POMGNT1: variants seen among roughly 807,000 people sequenced by gnomAD.
POMGNT1 encodes protein O-linked-mannose beta-1,2-N-acetylglucosaminyltransferase 1.
Under a neutral mutation model 95.6 loss-of-function variants are expected in POMGNT1, and 67 were observed. The observed-to-expected ratio is 0.70, with a 90% CI of 0.58 to 0.86. POMGNT1 has a LOEUF of 0.86. Ranked by LOEUF, POMGNT1 falls within the 40% of genes least tolerant of loss-of-function variation. The pLI, the probability that POMGNT1 is intolerant of heterozygous loss-of-function variation, is 0.00. For synonymous variants in POMGNT1, 298 were observed against 317.9 expected (o/e 0.94, Z 0.66); for missense variants, 719 against 855.2 (o/e 0.84, Z 1.99).
At chr1:46,207,448 G>C (rs769497658) in intron 1 of POMGNT1, among the ~76,000 whole-genome samples, 6 of 152,046 alleles carry the variant, frequency 3.9e-5, no homozygotes, top group Non-Finnish European at 5.9e-5. Flanking sequence ...TTCCTGACCT[G>C]GTTAGGTTAT....
exon 1 of POMGNT1, chr1:46,220,038 A>G: frequency 6.2e-7 from 1 of 1,614,182 alleles, no homozygotes; most frequent in South Asian, 1.1e-5. Context: ...TGGTGGAGAG[A>G]GGGCCAGGAC....
intron 1 of POMGNT1, among the ~76,000 whole-genome samples, chr1:46,215,628 A>G (rs1659040710): frequency 6.6e-6 from 1 of 152,226 alleles, no homozygotes; most frequent in Non-Finnish European, 1.5e-5. Context: ...GCTGGGTGCC[A>G]TGGCACATGC....
At chr1:46,189,609 C>A in intron 20 of POMGNT1, 42 bp from the exon 21 acceptor site, 1 of 1,584,100 alleles carries the variant, frequency 6.3e-7, no homozygotes, top group Non-Finnish European at 8.6e-7. Flanking sequence ...GGTCAGAGAG[C>A]TGTAGGGAGG....
intron 1 of POMGNT1, among the ~76,000 whole-genome samples, chr1:46,213,711 C>T (rs1297350621): frequency 1.3e-5 from 2 of 151,880 alleles, no homozygotes; most frequent in African/African-American, 4.8e-5. Flanking sequence ...CGTAGCGAGA[C>T]TTTGTCTCTA....
intron 1 of POMGNT1, among the ~76,000 whole-genome samples, chr1:46,214,635 G>A (rs1659007735): frequency 6.6e-6 from 1 of 152,058 alleles, no homozygotes; most frequent in Non-Finnish European, 1.5e-5. Context: ...GGGAGGCCAA[G>A]GCAGTGGATC....
chr1:46,214,954 C>G (rs1463427528), intron 1 of POMGNT1, among the ~76,000 whole-genome samples: 1 of 147,506 alleles, frequency 6.8e-6, no homozygotes, highest in East Asian at 2.1e-4. Context: ...TGACTGGGTG[C>G]TGTGGCTCAC....
At chr1:46,206,244 T>C (rs540341854) in intron 1 of POMGNT1, among the ~76,000 whole-genome samples, 5 of 152,224 alleles carry the variant, frequency 3.3e-5, no homozygotes, top group Non-Finnish European at 7.3e-5. Flanking sequence ...GTCTCTCTCC[T>C]GGCCTCAGTT....
intron 1 of POMGNT1, among the ~76,000 whole-genome samples, chr1:46,215,303 C>T (rs1327189671): frequency 2.7e-5 from 4 of 150,720 alleles, no homozygotes; most frequent in African/African-American, 4.9e-5. Context: ...TTCAGGACAC[C>T]CTCTGTCCAA....
At chr1:46,216,820 G>A (rs1038620715) in intron 1 of POMGNT1, among the ~76,000 whole-genome samples, 8 of 152,278 alleles carry the variant, frequency 5.3e-5, no homozygotes, top group African/African-American at 1.9e-4. Context: ...AGTCCCCAGT[G>A]TCTATCATTA....
chr1:46,215,242 A>G (rs1386909813), intron 1 of POMGNT1, among the ~76,000 whole-genome samples: 7 of 151,696 alleles, frequency 4.6e-5, no homozygotes, highest in South Asian at 2.1e-4. Flanking sequence ...AAAAAAAAAA[A>G]AGAGATGCAA....
intron 1 of POMGNT1, among the ~76,000 whole-genome samples, chr1:46,208,427 T>C (rs1040426862): frequency 1.3e-5 from 2 of 152,216 alleles, no homozygotes; most frequent in African/African-American, 4.8e-5. Flanking sequence ...CAATAAATAT[T>C]GGTTCCATAA....
chr1:46,193,509 A>C, intron 11 of POMGNT1, 55 bp downstream of exon 11: 1 of 1,613,854 alleles, frequency 6.2e-7, no homozygotes, highest in African/African-American at 1.3e-5. Flanking sequence ...GTCCCTGGCA[A>C]TCACTGCTGC....
At chr1:46,189,798 G>A (rs1449974004) in intron 20 of POMGNT1, 56 bp downstream of exon 20, 4 of 1,609,812 alleles carry the variant, frequency 2.5e-6, no homozygotes, top group African/African-American at 1.3e-5. Context: ...TGGATCTTGG[G>A]GCAGTATGTG....
At chr1:46,200,978 A>C (rs1478510915), upstream of POMGNT1, among the ~76,000 whole-genome samples, 1 of 152,188 alleles carries the variant, frequency 6.6e-6, no homozygotes, top group Non-Finnish European at 1.5e-5. Context: ...TAAAAATACA[A>C]GAATTAGCTG....
intron 1 of POMGNT1, among the ~76,000 whole-genome samples, chr1:46,205,489 C>T (rs1658682564): frequency 6.6e-6 from 1 of 152,204 alleles, no homozygotes; most frequent in Non-Finnish European, 1.5e-5. Context: ...GAAAACTGGT[C>T]ATCATTTCTC....
At chr1:46,215,643 A>C (rs1350213832) in intron 1 of POMGNT1, among the ~76,000 whole-genome samples, 2 of 152,246 alleles carry the variant, frequency 1.3e-5, no homozygotes, top group Non-Finnish European at 2.9e-5. Flanking sequence ...ACATGCCTCT[A>C]ATCCCAGCAC....
Position 46,194,605 on chromosome 1 carries a change from G to A in POMGNT1, c.699C>T (p.Ser233=). The A allele has an allele frequency of 6.2e-7, 1 of 1,614,204 alleles. No individual in the cohort carries two copies. Among genetic ancestry groups the A allele is most frequent in the Non-Finnish European group, 8.5e-7 (1 of 1,180,026 alleles). The change falls in exon 8 of 22, where the codon TCC becomes TCT. Residue 233 remains serine, a synonymous_variant. Transcript: ENST00000371984. ...EKHSKSPALS[S]WGDPVLLKTD... ...TCTTCAGCAGGACTGGGTCCCCCCA[G>A]GAAGAGAGGGCAGGTGATTTAGAAT... is the stretch of plus-strand genomic sequence containing the variant.
At chr1:46,217,772 G>A (rs141919145) in intron 1 of POMGNT1, among the ~76,000 whole-genome samples, 4 of 152,228 alleles carry the variant, frequency 2.6e-5, no homozygotes, top group Non-Finnish European at 5.9e-5. Context: ...CAAGAGAATC[G>A]CTTGAACCCT....
chr1:46,203,783 AG>A (rs1658625092), intron 1 of POMGNT1, among the ~76,000 whole-genome samples: 1 of 152,156 alleles, frequency 6.6e-6, no homozygotes, highest in Admixed American at 6.5e-5. Context: ...GCTGGGGTGG[AG>A]ATGGAGTGAC....
Sources: gnomAD v4.1 joint callset for allele counts (sites outside exome capture counted in the v4.1 genomes callset) on GRCh38, gnomAD v4.1.1 for gene constraint, MANE v1.5 for transcripts, NCBI Gene and HGNC (gene_info 2026-07-23, HGNC 2026-07-21) for gene names.